Variants in NLRP8 observed in about 807,000 individuals in gnomAD.
NLRP8 encodes the protein NACHT, LRR and PYD domains-containing protein 8.
A neutral mutation model predicts 88.7 loss-of-function variants in NLRP8; 86 were observed. That is an observed-to-expected ratio of 0.97 (90% CI 0.81 to 1.16). The LOEUF (loss-of-function observed/expected upper bound fraction) is 1.16. NLRP8 is among the 50% of genes most tolerant of loss of function. The pLI, the probability that NLRP8 is intolerant of heterozygous loss-of-function variation, is 0.00. For missense variants in NLRP8, 1,342 were observed against 1,286.5 expected, an observed-to-expected ratio of 1.04 and a Z score of -0.66; for synonymous variants, 504 against 494.6, an observed-to-expected ratio of 1.02 and a Z score of -0.25.
At chr19:55,981,447 C>G (rs75699219) in intron 9 of NLRP8, among the ~76,000 whole-genome samples, 135 of 152,202 alleles carry the variant, frequency 8.9e-4, no homozygotes, top group Non-Finnish European at 1.4e-3. Flanking sequence ...CTCCTGGCTA[C>G]CAGAATGTCT....
At position 55,955,623 on chromosome 19, in the gene NLRP8, G is replaced by C; in HGVS notation, c.1565G>C (p.Cys522Ser). 1 of 1,614,144 alleles carries C rather than the reference G, an allele frequency of 6.2e-7. No individual in the cohort carries two copies. Among genetic ancestry groups the C allele is most frequent in the South Asian group, 1.1e-5 (1 of 91,084 alleles). ...TTTGCGGCCTTGTTTTATGTTCTCT[G>C]TTTCCCACAAAGACTCAAAAATTTT... The change falls in exon 3 of 10, where the codon TGT becomes TCT. Residue 522 changes from cysteine to serine, a missense_variant. By Grantham distance (112) the Cys-to-Ser change is moderately radical (BLOSUM62 -1). Transcript: ENST00000291971.
Position 55,970,624 on chromosome 19 carries a change from T to G in NLRP8, c.2462T>G (p.Leu821Arg). ...CAAGGTAACGGGCATCTAAAGACTCTCATACTAAGAAAAAACTCCCTGGAG... is the reference window on the plus strand; with the variant it reads ...CAAGGTAACGGGCATCTAAAGACTCGCATACTAAGAAAAAACTCCCTGGAG... Residue 821 changes from leucine to arginine, a missense_variant, in exon 6 of 10, where the codon CTC becomes CGC. Leu to Arg is a moderately radical substitution (Grantham distance 102). Coordinates refer to ENST00000291971, the MANE Select transcript of NLRP8 (RefSeq NM_176811.2). 1 of 1,614,110 alleles carries G rather than the reference T, an allele frequency of 6.2e-7. No homozygotes were observed. The highest frequency in any genetic ancestry group is 8.5e-7 in the Non-Finnish European group (1 of 1,180,020).
At chr19:55,970,206 T>C (rs982182691) in intron 5 of NLRP8, among the ~76,000 whole-genome samples, 3 of 152,204 alleles carry the variant, frequency 2.0e-5, no homozygotes, top group African/African-American at 7.2e-5. Flanking sequence ...AATATACACA[T>C]AAATGAAAAT....
At chr19:55,977,881 C>T (rs1288854532) in intron 8 of NLRP8, among the ~76,000 whole-genome samples, 2 of 151,978 alleles carry the variant, frequency 1.3e-5, no homozygotes. Flanking sequence ...TGATGATTTG[C>T]TTCTCAAATG....
intron 1 of NLRP8, among the ~76,000 whole-genome samples, chr19:55,949,981 A>C (rs1014421240): frequency 2.0e-5 from 3 of 152,194 alleles, no homozygotes; most frequent in African/African-American, 7.2e-5. Context: ...ACACAGGAGG[A>C]AATAGCTCAT....
chr19:55,974,013 A>G (rs781021323), intron 7 of NLRP8, among the ~76,000 whole-genome samples, 191 bp downstream of exon 7: 47 of 152,218 alleles, frequency 3.1e-4, no homozygotes, highest in Non-Finnish European at 6.2e-4. Context: ...CAAGTGATCT[A>G]GAGGCAGAGT....
intron 7 of NLRP8, 134 bp from the exon 8 acceptor site, chr19:55,975,999 A>G (rs1005129822): frequency 4.5e-6 from 4 of 887,306 alleles, no homozygotes; most frequent in Middle Eastern, 3.6e-4. Flanking sequence ...CAAAAAACAA[A>G]CAAACAAAAC....
In NLRP8 at chr19:55,979,462, A is replaced by G. The variant is rs773465400; in HGVS notation, c.2945A>G (p.His982Arg). The G allele has an allele frequency of 6.2e-7, 1 of 1,614,204 alleles. No homozygotes were observed. Among genetic ancestry groups the G allele is most frequent in the South Asian group, 1.1e-5 (1 of 91,086 alleles). The change falls in exon 9 of 10, where the codon CAT (histidine) becomes CGT (arginine). Residue 982 changes from histidine to arginine, a missense_variant. By Grantham distance (29) the His-to-Arg change is conservative. Transcript: ENST00000291971. ...GCTTCCATGCTCCGCAAAAACCAAC[A>G]TCTGAGACATCTGGACTTGAGCAAG...
rs779772671 is a variant in NLRP8, at chr19:55,976,142, G to C, written c.2715G>C (p.Lys905Asn). 3.6e-5 allele frequency: 58 copies of C among 1,601,698 alleles called. No individual in the cohort carries two copies. The highest frequency in any genetic ancestry group is 4.7e-5 in the Non-Finnish European group (55 of 1,176,498). ...CTGTGTTTCTTTGCAGACTGAGAAAGTGTGACTTGACCTTTAATTGCTGTC... is the reference window on the plus strand; with the variant it reads ...CTGTGTTTCTTTGCAGACTGAGAAACTGTGACTTGACCTTTAATTGCTGTC... Residue 905 changes from lysine to asparagine, a missense_variant, in exon 8 of 10, where the codon AAG becomes AAC. Physicochemically the swap from Lys to Asn is moderately conservative, Grantham distance 94. Coordinates refer to ENST00000291971, the MANE Select transcript of NLRP8 (RefSeq NM_176811.2).
chr19:55,957,707 AT>A, intron 3 of NLRP8, among the ~76,000 whole-genome samples: 1 of 56,942 alleles, frequency 1.8e-5, no homozygotes, highest in East Asian at 8.7e-4. Context: ...ATATATATAT[AT>A]ATATATATAT....
At chr19:55,977,816 T>C (rs1326542354) in intron 8 of NLRP8, among the ~76,000 whole-genome samples, 1 of 152,054 alleles carries the variant, frequency 6.6e-6, no homozygotes, top group Non-Finnish European at 1.5e-5. Context: ...AATTATTGTC[T>C]TGTAGAACAT....
rs570728246 is a variant in NLRP8 at position 55,962,098 on chromosome 19, T to G, written c.2074T>G (p.Trp692Gly). The change falls in exon 4 of 10, where the codon TGG becomes GGG. Residue 692 changes from tryptophan to glycine, a missense_variant. Trp to Gly is a radical substitution (Grantham distance 184). Transcript: ENST00000291971. ...AGAGAGCAATGGGCTGCATCGTTGG[T>G]GGCAAGACTTATGCTCTGTGTTTGC... The G allele has an allele frequency of 1.9e-6, 3 of 1,614,186 alleles. No individual in the cohort carries two copies. The highest frequency in any genetic ancestry group is 1.7e-5 in the Admixed American group (1 of 60,022).
chr19:55,986,405 CTCTG>C (rs989506715), intron 9 of NLRP8, among the ~76,000 whole-genome samples: 1 of 150,246 alleles, frequency 6.7e-6, no homozygotes, highest in African/African-American at 2.5e-5. Flanking sequence ...TACACACTGT[CTCTG>C]TCTCACACAT....
Position 55,966,794 on chromosome 19 carries a change from C to T in NLRP8, c.2381+414C>T, listed in dbSNP as rs147715469. On this transcript the variant is annotated intron_variant, in intron 5 of 9. Transcript: ENST00000291971. ...TCGTGCCATTGCACTCCAGCCTGAG[C>T]GACAGAGGGCGACTCTGTCTAAAAA... 9.9e-3 allele frequency among the ~76,000 whole-genome samples: 1,501 copies of T among 152,072 alleles called. 23 individuals carry two copies. The highest frequency in any genetic ancestry group is 0.034 in the African/African-American group (1,401 of 41,466).
At chr19:55,979,288 C>A in intron 8 of NLRP8, 106 bp from the exon 9 acceptor site, 1 of 1,222,452 alleles carries the variant, frequency 8.2e-7, no homozygotes, top group Non-Finnish European at 1.2e-6. Flanking sequence ...CAACATTACA[C>A]ATTCCTGTCA....
At chr19:55,954,100 G>A (rs983913691) in intron 2 of NLRP8, among the ~76,000 whole-genome samples, 5 of 152,130 alleles carry the variant, frequency 3.3e-5, no homozygotes, top group African/African-American at 9.6e-5. Context: ...GCCACACCCG[G>A]CCCTCCCAAG....
At chr19:55,966,963 A>G (rs1979872325) in intron 5 of NLRP8, among the ~76,000 whole-genome samples, 1 of 152,208 alleles carries the variant, frequency 6.6e-6, no homozygotes, top group Non-Finnish European at 1.5e-5. Flanking sequence ...GTAGGCATAT[A>G]TATTTATGGG....
chr19:55,970,620 A>G lies in NLRP8; in HGVS notation c.2458A>G (p.Thr820Ala). 6.2e-7 allele frequency: 1 copy of G among 1,613,816 alleles called. No homozygotes were observed. The highest frequency in any genetic ancestry group is 8.5e-7 in the Non-Finnish European group (1 of 1,179,976). ...TCTTCAAGGTAACGGGCATCTAAAGACTCTCATACTAAGAAAAAACTCCCT... is the reference window on the plus strand; with the variant it reads ...TCTTCAAGGTAACGGGCATCTAAAGGCTCTCATACTAAGAAAAAACTCCCT... The change falls in exon 6 of 10, where the codon ACT becomes GCT. Residue 820 changes from threonine to alanine, a missense_variant. Thr to Ala is a moderately conservative substitution (Grantham distance 58). Coordinates refer to ENST00000291971, the MANE Select transcript of NLRP8 (RefSeq NM_176811.2).
intron 4 of NLRP8, among the ~76,000 whole-genome samples, chr19:55,963,837 G>A (rs772768208): frequency 2.0e-5 from 3 of 152,128 alleles, no homozygotes; most frequent in Non-Finnish European, 4.4e-5. Context: ...TTATAGGTGT[G>A]AGCCATTGCA....
Sources: allele counts gnomAD v4.1 joint callset (sites outside exome capture counted in the v4.1 genomes callset), GRCh38; gene constraint gnomAD v4.1.1; transcripts MANE v1.5; gene names NCBI Gene and HGNC (gene_info 2026-07-23, HGNC 2026-07-21).